REPS2: variants seen among roughly 807,000 people sequenced by gnomAD.
REPS2 encodes RALBP1 associated Eps domain containing 2.
A neutral mutation model predicts 53.6 loss-of-function variants in REPS2; 23 were observed. That is an observed-to-expected ratio of 0.43 (90% CI 0.31 to 0.61). The LOEUF is 0.61. Among genes scored for constraint, REPS2 ranks in the 20% least tolerant of loss-of-function variants. REPS2 has a pLI of 0.11. For missense variants in REPS2, 446 were observed against 534.9 expected (o/e 0.83, Z 1.64); for synonymous variants, 238 against 218.6 (o/e 1.09, Z -0.78).
At chrX:16,972,149 A>G (rs151320670) in intron 1 of REPS2, among the ~76,000 whole-genome samples, 25 of 112,011 alleles carry the variant, frequency 2.2e-4, no homozygotes, top group African/African-American at 8.1e-4. Context: ...CTAGCTTTAC[A>G]TAATTTCAAA....
chrX:17,103,145 A>C (rs949643353), intron 13 of REPS2, among the ~76,000 whole-genome samples: 7 of 112,026 alleles, frequency 6.2e-5, no homozygotes, highest in Non-Finnish European at 1.1e-4. Context: ...AATAAATATT[A>C]GGGAGAGAAA....
At chrX:16,973,015 C>A (rs1826177666) in intron 1 of REPS2, among the ~76,000 whole-genome samples, 1 of 109,354 alleles carries the variant, frequency 9.1e-6, no homozygotes, top group Non-Finnish European at 1.9e-5. Flanking sequence ...GTTATTATTT[C>A]TCCTTAGTCT....
chrX:17,023,919 A>G lies in REPS2; in HGVS notation c.547-1140A>G, dbSNP rs193105701. ...ATTTTGCTTTTTCTTGAAGAAGAGT[A>G]TTTGATCAGTATTTCAGATTACATA... On this transcript the variant is annotated intron_variant, in intron 3 of 17. Transcript: ENST00000357277. 5.4e-5 allele frequency among the ~76,000 whole-genome samples: 6 copies of G among 111,275 alleles called. No individual in the cohort carries two copies. The East Asian group carries it at 1.4e-3, about 26-fold the overall frequency.
At chrX:17,006,119 G>A (rs758551730) in intron 1 of REPS2, 102 bp from the exon 2 acceptor site, 3 of 983,289 alleles carry the variant, frequency 3.1e-6, no homozygotes. Flanking sequence ...GACTTTTTTG[G>A]TTAGCCACTA....
chrX:17,104,133 T>C (rs1231132076), intron 14 of REPS2, among the ~76,000 whole-genome samples: 1 of 111,835 alleles, frequency 8.9e-6, no homozygotes, highest in African/African-American at 3.3e-5. Context: ...TCTGGGTGCC[T>C]ATATTTTCGT....
At chrX:17,037,929 C>G (rs1339918190) in intron 5 of REPS2, among the ~76,000 whole-genome samples, 2 of 111,922 alleles carry the variant, frequency 1.8e-5, no homozygotes, top group Non-Finnish European at 3.8e-5. Context: ...AGTTGCCTAT[C>G]CCAACAATAG....
At chrX:17,027,980 C>T (rs1336508791) in intron 4 of REPS2, among the ~76,000 whole-genome samples, 1 of 111,028 alleles carries the variant, frequency 9.0e-6, no homozygotes, top group Non-Finnish European at 1.9e-5. Context: ...CAGTCACAGG[C>T]AGGCTTGGCC....
chrX:17,036,536 A>G (rs903356233), intron 5 of REPS2, among the ~76,000 whole-genome samples: 4 of 111,409 alleles, frequency 3.6e-5, no homozygotes, highest in Non-Finnish European at 7.5e-5. Flanking sequence ...GTGAGAGGAG[A>G]TGCTGGCACC....
intron 1 of REPS2, among the ~76,000 whole-genome samples, chrX:16,977,718 A>T (rs1459057145): frequency 1.4e-3 from 2 of 1,474 alleles, no homozygotes; most frequent in Admixed American, 0.011. Context: ...CCTGTCTCTA[A>T]AAAAAAAAAA....
chrX:17,155,294 C>G (rs1461417761), downstream of REPS2, among the ~76,000 whole-genome samples: 1 of 110,982 alleles, frequency 9.0e-6, no homozygotes, highest in Non-Finnish European at 1.9e-5. Context: ...CTCTCTGCTG[C>G]TGCTGCTTAT....
intron 17 of REPS2, among the ~76,000 whole-genome samples, chrX:17,139,309 G>A (rs1290730214): frequency 3.6e-5 from 4 of 111,911 alleles, no homozygotes; most frequent in Non-Finnish European, 7.5e-5. Flanking sequence ...AATCTATTAC[G>A]AAGGCTGTTT....
chrX:17,185,527 C>T, the REPS2 span, among the ~76,000 whole-genome samples: 4 of 111,664 alleles, frequency 3.6e-5, no homozygotes, highest in Non-Finnish European at 7.5e-5. Context: ...AACTATGGCT[C>T]AAAAGCCCAG....
chrX:16,956,949 G>A (rs1017176682), intron 1 of REPS2, among the ~76,000 whole-genome samples: 15 of 112,519 alleles, frequency 1.3e-4, no homozygotes, highest in Admixed American at 1.9e-4. Flanking sequence ...ATTAACACTA[G>A]GCTAGTAGGA....
At chrX:17,161,706 A>G in the REPS2 span, among the ~76,000 whole-genome samples, 1 of 110,819 alleles carries the variant, frequency 9.0e-6, no homozygotes, top group Non-Finnish European at 1.9e-5. Flanking sequence ...TAAGATAATC[A>G]GTGTTATTTT....
chrX:16,987,002 T>G (rs1451688627), intron 1 of REPS2, among the ~76,000 whole-genome samples: 3 of 108,507 alleles, frequency 2.8e-5, no homozygotes, highest in African/African-American at 1.0e-4. Context: ...CACGATCTCC[T>G]GGGTCCAAAT....
chrX:17,038,205 A>T (rs1162691375), intron 5 of REPS2, among the ~76,000 whole-genome samples: 1 of 112,247 alleles, frequency 8.9e-6, no homozygotes, highest in Non-Finnish European at 1.9e-5. Flanking sequence ...AAAAACTGAC[A>T]ATTGCCCTAA....
At chrX:17,156,862 A>T (rs2063618497), downstream of REPS2, among the ~76,000 whole-genome samples, 1 of 112,113 alleles carries the variant, frequency 8.9e-6, no homozygotes, top group Non-Finnish European at 1.9e-5. Flanking sequence ...GTGTGCTGGG[A>T]GCCTGCATCC....
intron 1 of REPS2, among the ~76,000 whole-genome samples, chrX:16,992,824 T>A (rs1283725196): frequency 1.8e-5 from 2 of 112,462 alleles, no homozygotes; most frequent in Non-Finnish European, 3.8e-5. Context: ...GAGCAGAGGC[T>A]TTTTAGGTTC....
At chrX:17,118,692 G>C in intron 14 of REPS2, among the ~76,000 whole-genome samples, 1 of 111,023 alleles carries the variant, frequency 9.0e-6, no homozygotes, top group African/African-American at 3.3e-5. Context: ...AGTAAAAGTT[G>C]ATTAAATTTC....
Sources: allele counts gnomAD v4.1 joint callset (sites outside exome capture counted in the v4.1 genomes callset), GRCh38; gene constraint gnomAD v4.1.1; transcripts MANE v1.5; gene names NCBI Gene and HGNC (gene_info 2026-07-23, HGNC 2026-07-21).